Variants in TOGARAM2 observed in about 807,000 individuals in gnomAD.
The protein encoded by TOGARAM2 is TOG array regulator of axonemal microtubules protein 2.
In TOGARAM2, 85 loss-of-function variants were observed where a neutral mutation model predicts 93.3. That is an observed-to-expected ratio of 0.91 (90% CI 0.76 to 1.09). TOGARAM2 has a LOEUF of 1.09. Among genes scored for constraint, TOGARAM2 ranks in the 50% least tolerant of loss-of-function variants. The pLI, the probability that TOGARAM2 is intolerant of heterozygous loss-of-function variation, is 0.00. For synonymous variants in TOGARAM2, 593 were observed against 552.8 expected (o/e 1.07, Z -1.02); for missense variants, 1,277 against 1,334.5 (o/e 0.96, Z 0.67).
At chr2:29,025,767 C>G (rs1399354315) in intron 13 of TOGARAM2, among the ~76,000 whole-genome samples, 3 of 152,224 alleles carry the variant, frequency 2.0e-5, no homozygotes, top group African/African-American at 7.2e-5. Flanking sequence ...ACAGGTTTCT[C>G]TTATAGAGCT....
At position 29,003,484 on chromosome 2, in the gene TOGARAM2, GCTCCCAGGCGCAGAT is replaced by G. The variant is rs1306817248; in HGVS notation, c.640-3_651del. 8 of 1,501,328 alleles carry G rather than the reference GCTCCCAGGCGCAGAT, an allele frequency of 5.3e-6. No individual in the cohort carries two copies. In the South Asian group the frequency reaches 9.2e-5, roughly 17 times the overall value. The allele number at this position is 1,501,328 out of a possible 1,614,324, so 93.0% of individuals were successfully genotyped here. A position where few individuals can be genotyped will look rare whatever the true frequency, so the allele number is the denominator to read the frequency against. On this transcript the variant is annotated splice_acceptor_variant and splice_polypyrimidine_tract_variant and coding_sequence_variant and intron_variant, in exon 6 of 20. Transcript: ENST00000379558. LOFTEE classifies it high-confidence loss of function. Reference sequence around the variant, plus strand: ...TAGGCCAGACCCCTGTCCCGCCTCTGCTCCCAGGCGCAGATCTCCTGGCAATACCTGCACTGCAAT... The same window carrying G: ...TAGGCCAGACCCCTGTCCCGCCTCTGCTCCTGGCAATACCTGCACTGCAAT...
At position 29,017,968 on chromosome 2, in the gene TOGARAM2, C is replaced by T. The variant is rs775704927; in HGVS notation, c.1360+12C>T. ...CCGCCACGCCTCAGGTGGGCAGGCC[C>T]GACTGGCAGGCACACGTGTCCCTCT... is the stretch of plus-strand genomic sequence containing the variant. On this transcript the variant is annotated intron_variant, in intron 10 of 19. Transcript: ENST00000379558. 3.9e-5 allele frequency: 62 copies of T among 1,587,476 alleles called. No individual in the cohort carries two copies. Among genetic ancestry groups the T allele is most frequent in the Middle Eastern group, 1.8e-4 (1 of 5,484 alleles).
Position 28,999,443 on chromosome 2 carries a change from A to G in TOGARAM2, c.402A>G (p.Ser134=). ...ACAAGCTCAAGAAAAGGAGGCTCTC[A>G]GAGGGCTTGGCAGCGTCTTCCCGAG... ...IKDKLKKRRL[S]EGLAASSRAS... The change falls in exon 4 of 20, where the codon TCA becomes TCG. Residue 134 remains serine (S), a synonymous_variant. Coordinates refer to ENST00000379558, the MANE Select transcript of TOGARAM2 (RefSeq NM_199280.4). The G allele has an allele frequency of 6.2e-7, 1 of 1,611,570 alleles. No homozygotes were observed. Among genetic ancestry groups the G allele is most frequent in the Non-Finnish European group, 8.5e-7 (1 of 1,178,686 alleles).
chr2:29,020,722 T>C (rs991338960), intron 10 of TOGARAM2, among the ~76,000 whole-genome samples: 1 of 152,198 alleles, frequency 6.6e-6, no homozygotes. Flanking sequence ...ACTGAGCCTC[T>C]TTTTGAGAGC....
In TOGARAM2 at chr2:29,045,380, G is replaced by C; in HGVS notation, c.2692G>C (p.Ala898Pro). ...AGRVRFLSGR[A>P]VLDVTDRLAV... is the part of the protein sequence containing the mutation. ...GCGAGTGCGTTTCCTGAGTGGCCGT[G>C]CGGTGCTGGATGTCACAGATCGCCT... Residue 898 changes from alanine to proline, a missense_variant, in exon 19 of 20, where the codon GCG becomes CCG. Transcript: ENST00000379558. 4.3e-6 allele frequency: 7 copies of C among 1,613,666 alleles called. No homozygotes were observed. Among genetic ancestry groups the C allele is most frequent in the Non-Finnish European group, 5.9e-6 (7 of 1,179,876 alleles).
At chr2:29,017,366 C>T (rs1162780529) in intron 9 of TOGARAM2, 62 bp downstream of exon 9, 1 of 1,409,172 alleles carries the variant, frequency 7.1e-7, no homozygotes, top group East Asian at 2.6e-5. Context: ...TCTCTCATAG[C>T]CTGCTGATGG....
chr2:29,022,973 G>A lies in TOGARAM2; in HGVS notation c.1512-113G>A, dbSNP rs1665059213. 3 of 841,346 alleles carry A rather than the reference G, an allele frequency of 3.6e-6. No individual in the cohort carries two copies. In the Admixed American group the frequency reaches 7.0e-5, roughly 20 times the overall value. The allele number at this position is 841,346 out of a possible 1,614,324, so 52.1% of individuals were successfully genotyped here. ...CTCTGAGGCCATGGAATGGCACCCT[G>A]CTGCGGGTGACGGTGGACCGTGATG... On this transcript the variant is annotated intron_variant, in intron 11 of 19. Transcript: ENST00000379558.
At chr2:29,001,856 CTTT>C (rs11324817) in intron 4 of TOGARAM2, among the ~76,000 whole-genome samples, 1 of 147,630 alleles carries the variant, frequency 6.8e-6, no homozygotes, top group African/African-American at 2.5e-5. Flanking sequence ...AAATGCTAGT[CTTT>C]TTTTTTTTTT....
intron 3 of TOGARAM2, 130 bp downstream of exon 3, chr2:28,998,383 A>G: frequency 1.6e-6 from 1 of 635,988 alleles, no homozygotes. Flanking sequence ...CCTGCTGAAA[A>G]TACCCTTTGA....
intron 18 of TOGARAM2, among the ~76,000 whole-genome samples, chr2:29,044,634 A>G (rs1320978018): frequency 1.3e-5 from 2 of 151,918 alleles, no homozygotes; most frequent in African/African-American, 2.4e-5. Context: ...GTTCATGTCT[A>G]AGCGTCTGTC....
At chr2:28,982,349 G>A (rs907170251) in intron 1 of TOGARAM2, among the ~76,000 whole-genome samples, 7 of 152,164 alleles carry the variant, frequency 4.6e-5, no homozygotes, top group African/African-American at 1.2e-4. Context: ...CCTCAGGAGC[G>A]CTGGGAGGGG....
chr2:28,967,731 T>G, intron 1 of TOGARAM2, among the ~76,000 whole-genome samples: 1 of 151,640 alleles, frequency 6.6e-6, no homozygotes. Context: ...CGAGTGTCAA[T>G]TTCCTCATCT....
At chr2:28,997,355 C>G (rs1673042079) in intron 2 of TOGARAM2, among the ~76,000 whole-genome samples, 1 of 152,234 alleles carries the variant, frequency 6.6e-6, no homozygotes, top group Non-Finnish European at 1.5e-5. Flanking sequence ...GACTCCTGCT[C>G]CCTGTATGCT....
intron 10 of TOGARAM2, chr2:29,018,279 C>G (rs922869486): frequency 6.7e-6 from 2 of 297,088 alleles, no homozygotes; most frequent in African/African-American, 4.3e-5. Flanking sequence ...CAGCTGTGAA[C>G]AGCAGAAAGA....
intron 6 of TOGARAM2, among the ~76,000 whole-genome samples, chr2:29,004,744 G>A (rs1209810549): frequency 1.9e-5 from 1 of 53,548 alleles, no homozygotes; most frequent in African/African-American, 5.0e-5. Flanking sequence ...GCATGCATGT[G>A]TGTGTGTGTC....
intron 1 of TOGARAM2, among the ~76,000 whole-genome samples, chr2:28,959,441 A>T (rs1178195862): frequency 6.6e-6 from 1 of 152,164 alleles, no homozygotes; most frequent in East Asian, 1.9e-4. Context: ...GGAAAATTTC[A>T]AATATACAGA....
At chr2:29,040,774 G>A (rs773312995) in intron 18 of TOGARAM2, among the ~76,000 whole-genome samples, 6 of 152,198 alleles carry the variant, frequency 3.9e-5, no homozygotes, top group East Asian at 1.9e-4. Context: ...CCGCCACTGC[G>A]CCATAAGGCT....
chr2:29,005,312 T>TGTGG (rs1673654010), intron 6 of TOGARAM2, among the ~76,000 whole-genome samples: 1 of 125,480 alleles, frequency 8.0e-6, no homozygotes, highest in Non-Finnish European at 1.7e-5. Flanking sequence ...GTGTGTGGGG[T>TGTGG]ATGTGTGCAT....
intron 17 of TOGARAM2, 58 bp from the exon 18 acceptor site, chr2:29,036,483 G>A: frequency 1.1e-5 from 17 of 1,568,544 alleles, no homozygotes; most frequent in Non-Finnish European, 1.5e-5. Flanking sequence ...TGCCTGCACT[G>A]TGGGAGTCCT....
Sources: gnomAD v4.1 joint callset for allele counts (sites outside exome capture counted in the v4.1 genomes callset) on GRCh38, gnomAD v4.1.1 for gene constraint, MANE v1.5 for transcripts, NCBI Gene and HGNC (gene_info 2026-07-23, HGNC 2026-07-21) for gene names.